Variants in COX17 observed in about 807,000 individuals in gnomAD.
The protein encoded by COX17 is cytochrome c oxidase copper chaperone COX17.
A neutral mutation model predicts 6.3 loss-of-function variants in COX17; 1 was observed. That is an observed-to-expected ratio of 0.16 (90% confidence interval 0.06 to 0.75). The LOEUF is 0.75. Among genes scored for constraint, COX17 ranks in the 30% least tolerant of loss-of-function variants. The probability of loss-of-function intolerance (pLI) is 0.77; values close to 1 mark genes in which losing one functional copy is unlikely to be tolerated. For synonymous variants in COX17, 26 were observed against 30.5 expected (o/e 0.85, Z 0.49); for missense variants, 73 against 81.2 (o/e 0.90, Z 0.39).
rs749505426 is a variant in COX17 at position 119,677,003 on chromosome 3, TGGGGC to T, written c.107+196_107+200del. On this transcript the variant is annotated intron_variant, in intron 1 of 2. Transcript: ENST00000261070. ...AATAATTATCTCCAGAGCGCCGCAA[TGGGGC>T]GGGGCGGGGCGGGGCGGGGGGGGGG... 3.1e-3 allele frequency: 1,252 copies of T among 407,454 alleles called. 30 individuals are homozygous for T. The African/African-American group carries it at 0.044, about 14-fold the overall frequency. 25.2% of individuals were successfully genotyped at this position (407,454 alleles called of 1,614,324 possible).
downstream of COX17, chr3:119,667,096 AC>A (rs978875847): frequency 1.3e-5 from 2 of 152,176 alleles, no homozygotes; most frequent in African/African-American, 4.8e-5. Context: ...GTTTTCATCA[AC>A]CTTCAAGTCA....
At chr3:119,666,022 T>A (rs756895334), downstream of COX17, among the ~76,000 whole-genome samples, 1 of 152,204 alleles carries the variant, frequency 6.6e-6, no homozygotes, top group African/African-American at 2.4e-5. Context: ...GTGAACAAGA[T>A]GGTGTAGTGG....
chr3:119,674,137 G>A (rs1040221310), intron 2 of COX17, among the ~76,000 whole-genome samples: 5 of 150,440 alleles, frequency 3.3e-5, no homozygotes, highest in Admixed American at 6.6e-5. Context: ...CTGCCTGGCC[G>A]CCCCACCGTC....
intron 2 of COX17, among the ~76,000 whole-genome samples, chr3:119,670,752 T>TGTG (rs2053035258): frequency 5.5e-4 from 83 of 149,716 alleles, no homozygotes; most frequent in Middle Eastern, 3.4e-3. Flanking sequence ...ATGATCAGTT[T>TGTG]TGTGTGTGTG....
chr3:119,664,097 T>A (rs922565642), intron 3 of COX17, among the ~76,000 whole-genome samples: 1 of 152,226 alleles, frequency 6.6e-6, no homozygotes, highest in African/African-American at 2.4e-5. Context: ...TTTCAGTCTA[T>A]CCCGGATACT....
intron 2 of COX17, among the ~76,000 whole-genome samples, chr3:119,671,354 C>T (rs1295456187): frequency 6.6e-6 from 1 of 152,162 alleles, no homozygotes; most frequent in African/African-American, 2.4e-5. Context: ...GATTTATTCC[C>T]AATCTACTGC....
chr3:119,669,640 AATT>A lies in COX17; in HGVS notation c.*27_*29del, dbSNP rs2053025016. 1 of 152,304 alleles carries A rather than the reference AATT, an allele frequency of 6.6e-6. No individual in the cohort carries two copies. Among genetic ancestry groups the A allele is most frequent in the Non-Finnish European group, 1.5e-5 (1 of 68,010 alleles). 9.4% of individuals were successfully genotyped at this position (152,304 alleles called of 1,614,324 possible). On this transcript the variant is annotated 3_prime_UTR_variant, in exon 3 of 3. Coordinates refer to ENST00000261070, the MANE Select transcript of COX17 (RefSeq NM_005694.2). ...AAATTAATCTTCTTCATTCTTCAGGAATTATTTATTCACACAGCAGACCACCTA... is the reference window on the plus strand; with the variant it reads ...AAATTAATCTTCTTCATTCTTCAGGAATTTATTCACACAGCAGACCACCTA...
At chr3:119,674,836 A>T in intron 2 of COX17, 1 of 247,928 alleles carries the variant, frequency 4.0e-6, no homozygotes, top group Non-Finnish European at 7.7e-6. Context: ...GTCCCACAAT[A>T]TTTATTAGAA....
chr3:119,666,114 C>T (rs924556682), downstream of COX17, among the ~76,000 whole-genome samples: 1 of 147,798 alleles, frequency 6.8e-6, no homozygotes, highest in Non-Finnish European at 1.5e-5. Context: ...CAAACCTGCA[C>T]ATGGATCTAA....
chr3:119,671,588 G>A (rs1381929023), intron 2 of COX17, among the ~76,000 whole-genome samples: 1 of 152,172 alleles, frequency 6.6e-6, no homozygotes, highest in African/African-American at 2.4e-5. Context: ...TCACCCTCCA[G>A]CCAATGGCCT....
In COX17 at chr3:119,677,234, C is replaced by T. The variant is rs776062046; in HGVS notation, c.77G>A (p.Cys26Tyr). ...ATCGCGCGCCTTCTTGGTCTCCGGG[C>T]AAGCGCAGCAGGGCTTCAGCGGCTT... is the stretch of plus-strand genomic sequence containing the variant. ...EKKPLKPCCA[C>Y]PETKKARDAC... Residue 26 changes from cysteine to tyrosine, a missense_variant, in exon 1 of 3, where the codon TGC becomes TAC. Transcript: ENST00000261070. The T allele has an allele frequency of 1.9e-6, 3 of 1,611,858 alleles. No homozygotes were observed. Among genetic ancestry groups the T allele is most frequent in the Admixed American group, 3.3e-5 (2 of 59,980 alleles).
chr3:119,675,205 C>G lies in COX17; in HGVS notation c.136G>C (p.Gly46Arg). The G allele has an allele frequency of 6.2e-7, 1 of 1,613,086 alleles. No individual in the cohort carries two copies. Among genetic ancestry groups the G allele is most frequent in the Non-Finnish European group, 8.5e-7 (1 of 1,179,164 alleles). The change falls in exon 2 of 3, where the codon GGA becomes CGA. Residue 46 changes from glycine to arginine, a missense_variant. Physicochemically the swap from Gly to Arg is moderately radical, Grantham distance 125 (BLOSUM62 -2). Transcript: ENST00000261070. Reference protein sequence around the residue: ...CIIEKGEEHCGHLIEAHKECM... With the variant: ...CIIEKGEEHCRHLIEAHKECM... ...TCCTTGTGGGCCTCAATTAGATGTC[C>G]ACAGTGTTCTTCTCCTTTCTCGATG...
chr3:119,671,183 T>C (rs2053040072), intron 2 of COX17, among the ~76,000 whole-genome samples: 1 of 152,198 alleles, frequency 6.6e-6, no homozygotes, highest in Non-Finnish European at 1.5e-5. Context: ...AGGAGTGCAC[T>C]TGAAAATCAT....
intron 2 of COX17, among the ~76,000 whole-genome samples, chr3:119,671,292 C>T (rs1050985457): frequency 6.6e-6 from 1 of 152,086 alleles, no homozygotes; most frequent in African/African-American, 2.4e-5. Context: ...TGGGTAAGAA[C>T]CACTGGGTGA....
chr3:119,676,941 A>G (rs2053106581), intron 1 of COX17: 3 of 693,420 alleles, frequency 4.3e-6, no homozygotes, highest in Non-Finnish European at 7.9e-6. Flanking sequence ...CTACGGGATA[A>G]GTCAACAGAG....
chr3:119,675,473 A>G, intron 1 of COX17: 1 of 466,172 alleles, frequency 2.1e-6, no homozygotes, highest in Non-Finnish European at 3.9e-6. Flanking sequence ...AATCACGCAT[A>G]TTAAATATTG....
chr3:119,667,690 C>T (rs927022047), downstream of COX17, among the ~76,000 whole-genome samples: 7 of 53,474 alleles, frequency 1.3e-4, no homozygotes, highest in African/African-American at 5.4e-4. Context: ...AAAAGGTGTA[C>T]ACACACACAC....
chr3:119,670,752 T>TTGTGTGTGTGTGTGTG (rs10542008), intron 2 of COX17, among the ~76,000 whole-genome samples: 194 of 149,716 alleles, frequency 1.3e-3, no homozygotes, highest in African/African-American at 3.6e-3. Context: ...ATGATCAGTT[T>TTGTGTGTGTGTGTGTG]TGTGTGTGTG....
chr3:119,675,007 G>C (rs1325848658), intron 2 of COX17, 138 bp downstream of exon 2: 4 of 627,162 alleles, frequency 6.4e-6, no homozygotes, highest in Non-Finnish European at 1.1e-5. Flanking sequence ...CCTTCATTGG[G>C]AACTGAAAAA....
Sources: gnomAD v4.1 joint callset for allele counts (sites outside exome capture counted in the v4.1 genomes callset) on GRCh38, gnomAD v4.1.1 for gene constraint, MANE v1.5 for transcripts, NCBI Gene and HGNC (gene_info 2026-07-23, HGNC 2026-07-21) for gene names.